The following CA8 variants were observed in gnomAD, a reference collection of about 807,000 sequenced individuals.
CA8 encodes carbonic anhydrase-related protein.
A neutral mutation model predicts 41.4 loss-of-function variants in CA8; 22 were observed. The ratio of observed to expected loss-of-function variants is 0.53; its 90% CI spans 0.38 to 0.76. The LOEUF (loss-of-function observed/expected upper bound fraction) is 0.76, where lower values mean the gene tolerates loss of function less well. Ranked by LOEUF, CA8 falls within the 30% of genes least tolerant of loss-of-function variation. The pLI is 0.00. For missense variants in CA8, 270 were observed against 352.8 expected (o/e 0.77, Z 1.88); for synonymous variants, 121 against 130.6 (o/e 0.93, Z 0.50).
intron 3 of CA8, among the ~76,000 whole-genome samples, chr8:60,240,727 G>GT (rs1259103715): frequency 9.1e-6 from 1 of 110,490 alleles, no homozygotes; most frequent in African/African-American, 6.4e-5. Flanking sequence ...GCCTTCCTCA[G>GT]CCCCCAAAAA....
rs377645634 is a variant in CA8, at chr8:60,224,604, T to C, written c.577-19A>G. 5.3e-5 allele frequency: 75 copies of C among 1,410,290 alleles called. No homozygotes were observed. In the African/African-American group the frequency reaches 7.3e-4, roughly 14 times the overall value. 87.4% of individuals were successfully genotyped at this position (1,410,290 alleles called of 1,614,324 possible). ...ACTTCCCCTGAAAAAGAAAAAAATATTTACCCAATGTTAATGTAATATTTC... is the reference window on the plus strand; with the variant it reads ...ACTTCCCCTGAAAAAGAAAAAAATACTTACCCAATGTTAATGTAATATTTC... On this transcript the variant is annotated intron_variant, in intron 5 of 8. Coordinates refer to ENST00000317995, the MANE Select transcript of CA8 (RefSeq NM_004056.6).
intron 3 of CA8, among the ~76,000 whole-genome samples, chr8:60,244,158 C>T (rs938526895): frequency 4.6e-5 from 7 of 152,190 alleles, no homozygotes; most frequent in Admixed American, 1.3e-4. Flanking sequence ...TTACAAACAA[C>T]GAAGAGCTAT....
intron 2 of CA8, among the ~76,000 whole-genome samples, chr8:60,267,081 T>C (rs1273326482): frequency 6.6e-6 from 1 of 152,262 alleles, no homozygotes; most frequent in Non-Finnish European, 1.5e-5. Context: ...CTTTCATCCT[T>C]ACCCAAAAAC....
At chr8:60,213,151 A>G (rs1344401108) in intron 7 of CA8, among the ~76,000 whole-genome samples, 1 of 152,166 alleles carries the variant, frequency 6.6e-6, no homozygotes, top group Non-Finnish European at 1.5e-5. Context: ...CCAACCTCTC[A>G]TTCATAAACC....
At chr8:60,212,479 C>T (rs1463302071) in intron 7 of CA8, among the ~76,000 whole-genome samples, 1 of 152,178 alleles carries the variant, frequency 6.6e-6, no homozygotes, top group Non-Finnish European at 1.5e-5. Flanking sequence ...GTGCAGGTAT[C>T]TCTTCAAGAT....
intron 5 of CA8, among the ~76,000 whole-genome samples, chr8:60,224,812 G>GT (rs1035048445): frequency 1.3e-5 from 2 of 152,066 alleles, no homozygotes; most frequent in Non-Finnish European, 2.9e-5. Flanking sequence ...AATTCTCCCT[G>GT]TAAGTCCTGG....
intron 8 of CA8, among the ~76,000 whole-genome samples, chr8:60,196,156 G>A (rs558026135): frequency 6.6e-6 from 1 of 151,926 alleles, no homozygotes; most frequent in Non-Finnish European, 1.5e-5. Flanking sequence ...ACTATATAAA[G>A]GTTAATAAGC....
chr8:60,200,756 TCCATCACTCTCAC>T (rs1806400971), intron 8 of CA8, among the ~76,000 whole-genome samples: 2 of 152,170 alleles, frequency 1.3e-5, no homozygotes, highest in East Asian at 3.8e-4. Flanking sequence ...CCCCATCAAT[TCCATCACTCTCAC>T]TGTGCTCAGA....
intron 3 of CA8, among the ~76,000 whole-genome samples, chr8:60,254,819 A>G (rs957598540): frequency 6.6e-6 from 1 of 152,202 alleles, no homozygotes; most frequent in African/African-American, 2.4e-5. Flanking sequence ...GGATGATTCA[A>G]AATCCCTGTT....
At chr8:60,248,984 T>C (rs528618684) in intron 3 of CA8, among the ~76,000 whole-genome samples, 2 of 152,350 alleles carry the variant, frequency 1.3e-5, no homozygotes, top group East Asian at 1.9e-4. Context: ...ACTTCCCTTG[T>C]TAGCTATATT....
chr8:60,198,423 A>C (rs1028250969), intron 8 of CA8, among the ~76,000 whole-genome samples: 3 of 152,174 alleles, frequency 2.0e-5, no homozygotes, highest in Admixed American at 6.6e-5. Context: ...AAATCATAGA[A>C]GTTGGTAATA....
At chr8:60,232,142 C>T in intron 4 of CA8, 142 bp downstream of exon 4, 1 of 689,010 alleles carries the variant, frequency 1.5e-6, no homozygotes. Context: ...CCATAAGGAT[C>T]AAGTTTTCTG....
At chr8:60,191,250 C>A (rs996249542) in intron 8 of CA8, among the ~76,000 whole-genome samples, 1 of 151,830 alleles carries the variant, frequency 6.6e-6, no homozygotes, top group Non-Finnish European at 1.5e-5. Context: ...ATGGCTAAAT[C>A]GAGCTAATTA....
intron 3 of CA8, among the ~76,000 whole-genome samples, chr8:60,240,912 C>T (rs1469173066): frequency 1.3e-5 from 2 of 150,502 alleles, no homozygotes; most frequent in East Asian, 3.9e-4. Flanking sequence ...TCTTATGATA[C>T]TGGAAATTGA....
intron 3 of CA8, among the ~76,000 whole-genome samples, chr8:60,234,301 G>C (rs1462206556): frequency 6.6e-6 from 1 of 152,174 alleles, no homozygotes; most frequent in Non-Finnish European, 1.5e-5. Context: ...AGCCTAAGAA[G>C]ACATGAGAAC....
At chr8:60,239,308 A>G (rs1807937936) in intron 3 of CA8, among the ~76,000 whole-genome samples, 1 of 152,132 alleles carries the variant, frequency 6.6e-6, no homozygotes, top group South Asian at 2.1e-4. Flanking sequence ...GAACAATCAA[A>G]CTAGTGCCCC....
intron 3 of CA8, among the ~76,000 whole-genome samples, chr8:60,235,612 C>T (rs1481359980): frequency 6.6e-6 from 1 of 152,114 alleles, no homozygotes; most frequent in Admixed American, 6.6e-5. Context: ...CATATTGTGC[C>T]TTATATTAAT....
At chr8:60,199,745 G>T (rs967399393) in intron 8 of CA8, among the ~76,000 whole-genome samples, 1 of 152,032 alleles carries the variant, frequency 6.6e-6, no homozygotes, top group African/African-American at 2.4e-5. Context: ...GCATTATCTA[G>T]ATTATTTTAG....
At chr8:60,198,522 AC>A (rs1486313573) in intron 8 of CA8, among the ~76,000 whole-genome samples, 15 of 152,206 alleles carry the variant, frequency 9.9e-5, no homozygotes, top group Non-Finnish European at 2.2e-4. Context: ...TTAGCACCAA[AC>A]TAATTAGCAA....
Sources: allele counts gnomAD v4.1 joint callset (sites outside exome capture counted in the v4.1 genomes callset), GRCh38; gene constraint gnomAD v4.1.1; transcripts MANE v1.5; gene names NCBI Gene and HGNC (gene_info 2026-07-23, HGNC 2026-07-21).